Variants in TMCC1 observed in about 807,000 individuals in gnomAD.
TMCC1 encodes the protein transmembrane and coiled-coil domains protein 1.
Under a neutral mutation model 52.4 loss-of-function variants are expected in TMCC1, and 15 were observed. That is an observed-to-expected ratio of 0.29 (90% CI 0.19 to 0.44). TMCC1 has a LOEUF of 0.44. Among genes scored for constraint, TMCC1 ranks in the 20% least tolerant of loss-of-function variants. The probability of loss-of-function intolerance (pLI) is 1.00; values close to 1 mark genes in which losing one functional copy is unlikely to be tolerated. For synonymous variants in TMCC1, 279 were observed against 301.9 expected, an observed-to-expected ratio of 0.92 and a Z score of 0.79; for missense variants, 503 against 806.0, an observed-to-expected ratio of 0.62 and a Z score of 4.55.
intron 4 of TMCC1, among the ~76,000 whole-genome samples, chr3:129,803,567 A>T (rs1437128871): frequency 6.6e-6 from 1 of 152,200 alleles, no homozygotes; most frequent in East Asian, 1.9e-4. Flanking sequence ...ATGCCCTTTG[A>T]TTCAGCACTT....
intron 4 of TMCC1, among the ~76,000 whole-genome samples, chr3:129,705,553 C>T (rs968659925): frequency 2.0e-5 from 3 of 151,672 alleles, no homozygotes; most frequent in Non-Finnish European, 4.4e-5. Context: ...AATTTGACAA[C>T]AGATGTCATG....
chr3:129,759,539 A>G (rs900670996), intron 4 of TMCC1, among the ~76,000 whole-genome samples: 2 of 149,330 alleles, frequency 1.3e-5, no homozygotes, highest in African/African-American at 4.9e-5. Flanking sequence ...AAGTACTAGG[A>G]TTATAGGCAT....
intron 5 of TMCC1, among the ~76,000 whole-genome samples, chr3:129,658,031 A>G (rs6767032): frequency 0.097 from 14,779 of 152,268 alleles, 842 homozygotes; most frequent in African/African-American, 0.16. Context: ...CTGTACAACA[A>G]TATATCATCT....
intron 2 of TMCC1, among the ~76,000 whole-genome samples, chr3:129,863,015 A>C (rs1301561688): frequency 1.3e-5 from 2 of 152,236 alleles, no homozygotes; most frequent in African/African-American, 4.8e-5. Context: ...GGTGAAACCT[A>C]AAAGATGTCA....
At chr3:129,723,385 C>A (rs2049798740) in intron 4 of TMCC1, among the ~76,000 whole-genome samples, 1 of 136,662 alleles carries the variant, frequency 7.3e-6, no homozygotes, top group African/African-American at 2.7e-5. Flanking sequence ...TTTTTGGCCA[C>A]CTAGATCCAT....
At chr3:129,869,676 A>G (rs2107959065) in intron 2 of TMCC1, among the ~76,000 whole-genome samples, 1 of 152,342 alleles carries the variant, frequency 6.6e-6, no homozygotes, top group South Asian at 2.1e-4. Flanking sequence ...AATTCTTGGG[A>G]TATATTTGTA....
chr3:129,697,869 T>C (rs968275471), intron 4 of TMCC1, among the ~76,000 whole-genome samples: 2 of 152,150 alleles, frequency 1.3e-5, no homozygotes, highest in Non-Finnish European at 2.9e-5. Context: ...ATTGTCCATA[T>C]CACTATCAGC....
intron 4 of TMCC1, among the ~76,000 whole-genome samples, chr3:129,800,331 T>C (rs1459181437): frequency 2.0e-5 from 3 of 152,202 alleles, no homozygotes; most frequent in Admixed American, 6.5e-5. Flanking sequence ...ATATTTTTCT[T>C]GGGTATATGT....
chr3:129,790,486 CCATT>C (rs2056378206), intron 4 of TMCC1, among the ~76,000 whole-genome samples: 1 of 152,050 alleles, frequency 6.6e-6, no homozygotes, highest in Non-Finnish European at 1.5e-5. Flanking sequence ...AAAATAATTA[CCATT>C]CAAAAGTAAA....
At chr3:129,778,989 AGTTT>A (rs1219484110) in intron 4 of TMCC1, among the ~76,000 whole-genome samples, 7 of 152,044 alleles carry the variant, frequency 4.6e-5, no homozygotes, top group Admixed American at 3.3e-4. Context: ...TTTGTTTTGT[AGTTT>A]GTTTTTTTTT....
At chr3:129,747,244 G>T (rs1257171561) in intron 4 of TMCC1, among the ~76,000 whole-genome samples, 1 of 151,832 alleles carries the variant, frequency 6.6e-6, no homozygotes, top group South Asian at 2.1e-4. Context: ...ACCCCTCTGA[G>T]AATTTAATGA....
intron 4 of TMCC1, among the ~76,000 whole-genome samples, chr3:129,679,536 C>T (rs1279927705): frequency 6.6e-6 from 1 of 152,038 alleles, no homozygotes; most frequent in East Asian, 1.9e-4. Flanking sequence ...GAACTCCTGA[C>T]CTCGTGATCC....
intron 4 of TMCC1, among the ~76,000 whole-genome samples, chr3:129,782,533 C>A (rs554503706): frequency 1.9e-4 from 29 of 152,166 alleles, no homozygotes; most frequent in African/African-American, 6.8e-4. Context: ...AAATGACCAA[C>A]AACAGAACCA....
chr3:129,843,293 G>A (rs1042431819), intron 2 of TMCC1, among the ~76,000 whole-genome samples: 4 of 152,020 alleles, frequency 2.6e-5, no homozygotes, highest in African/African-American at 9.6e-5. Context: ...CTTGCAGTGA[G>A]CCGAGATCGC....
chr3:129,715,249 C>T (rs2048987070), intron 4 of TMCC1, among the ~76,000 whole-genome samples: 1 of 152,186 alleles, frequency 6.6e-6, no homozygotes, highest in Non-Finnish European at 1.5e-5. Context: ...CCAACCCTGT[C>T]CCCATCCTAC....
At chr3:129,700,100 G>T (rs902832257) in intron 4 of TMCC1, among the ~76,000 whole-genome samples, 2 of 152,044 alleles carry the variant, frequency 1.3e-5, no homozygotes, top group Non-Finnish European at 2.9e-5. Flanking sequence ...TTATGGTCGG[G>T]TACTGTGGCT....
At chr3:129,733,034 T>A (rs766221153) in intron 4 of TMCC1, among the ~76,000 whole-genome samples, 2 of 152,170 alleles carry the variant, frequency 1.3e-5, no homozygotes, top group Non-Finnish European at 2.9e-5. Context: ...TAAACCCTGG[T>A]TCAACAGTAC....
chr3:129,884,572 T>A (rs2061605496), intron 1 of TMCC1, among the ~76,000 whole-genome samples: 1 of 152,192 alleles, frequency 6.6e-6, no homozygotes, highest in South Asian at 2.1e-4. Context: ...CATCACACTT[T>A]CCTACAAATC....
At chr3:129,834,595 A>G (rs1004878159) in intron 2 of TMCC1, among the ~76,000 whole-genome samples, 3 of 152,194 alleles carry the variant, frequency 2.0e-5, no homozygotes, top group African/African-American at 7.2e-5. Flanking sequence ...AGGCCTAATG[A>G]TCATGTAAGA....
Sources: gnomAD v4.1 joint callset for allele counts (sites outside exome capture counted in the v4.1 genomes callset) on GRCh38, gnomAD v4.1.1 for gene constraint, MANE v1.5 for transcripts, NCBI Gene and HGNC (gene_info 2026-07-23, HGNC 2026-07-21) for gene names.